GRIP1: variants seen among roughly 807,000 people sequenced by gnomAD.
The protein encoded by GRIP1 is glutamate receptor-interacting protein 1.
Under a neutral mutation model 129.9 loss-of-function variants are expected in GRIP1, and 45 were observed. The observed-to-expected ratio is 0.35, with a 90% CI of 0.27 to 0.44. The LOEUF (loss-of-function observed/expected upper bound fraction) is 0.44, where lower values mean the gene tolerates loss of function less well. Among genes scored for constraint, GRIP1 ranks in the 20% least tolerant of loss-of-function variants. GRIP1 has a pLI of 1.00. For synonymous variants in GRIP1, 530 were observed against 520.8 expected (o/e 1.02, Z -0.24); for missense variants, 1,196 against 1,396.8 (o/e 0.86, Z 2.29).
At chr12:66,678,644 T>C (rs2034448697) in intron 1 of GRIP1, among the ~76,000 whole-genome samples, 1 of 152,150 alleles carries the variant, frequency 6.6e-6, no homozygotes, top group Non-Finnish European at 1.5e-5. Flanking sequence ...GCTTTCATAA[T>C]TTCAGCACGA....
intron 1 of GRIP1, among the ~76,000 whole-genome samples, chr12:66,975,122 G>T (rs1021992067): frequency 6.6e-6 from 1 of 152,060 alleles, no homozygotes. Context: ...AGCTGTTCCA[G>T]ACTAGAAAAA....
At chr12:67,041,123 G>A (rs2043170895) in intron 1 of GRIP1, among the ~76,000 whole-genome samples, 1 of 151,902 alleles carries the variant, frequency 6.6e-6, no homozygotes, top group Admixed American at 6.6e-5. Flanking sequence ...AATCCATCCT[G>A]TAAACTACTT....
intron 1 of GRIP1, among the ~76,000 whole-genome samples, chr12:66,931,525 A>G (rs1763750160): frequency 6.6e-6 from 1 of 152,250 alleles, no homozygotes; most frequent in African/African-American, 2.4e-5. Flanking sequence ...CATCTAATAA[A>G]TATGAGAGAT....
chr12:66,492,253 G>T (rs1024716436), intron 7 of GRIP1, among the ~76,000 whole-genome samples: 3 of 151,810 alleles, frequency 2.0e-5, no homozygotes, highest in Non-Finnish European at 4.4e-5. Context: ...TTTCCTAAAA[G>T]CCAATTTACT....
chr12:66,781,125 G>A (rs1024881214), intron 1 of GRIP1, among the ~76,000 whole-genome samples: 1 of 152,126 alleles, frequency 6.6e-6, no homozygotes, highest in Non-Finnish European at 1.5e-5. Context: ...CTGTCTCGTG[G>A]TAACATTTAT....
intron 1 of GRIP1, among the ~76,000 whole-genome samples, chr12:66,800,718 A>T (rs1388226196): frequency 6.6e-6 from 1 of 152,136 alleles, no homozygotes; most frequent in Non-Finnish European, 1.5e-5. Flanking sequence ...AAAAAAATGG[A>T]ATGTTAGGGT....
chr12:67,009,954 C>T (rs1275220804), intron 1 of GRIP1, among the ~76,000 whole-genome samples: 1 of 152,128 alleles, frequency 6.6e-6, no homozygotes, highest in African/African-American at 2.4e-5. Context: ...AACATTTCCA[C>T]ATTAAGCTTT....
At chr12:66,611,721 A>T (rs1490160802) in intron 1 of GRIP1, among the ~76,000 whole-genome samples, 2 of 152,222 alleles carry the variant, frequency 1.3e-5, no homozygotes, top group East Asian at 3.8e-4. Context: ...GCATACATTT[A>T]CCACATTTAT....
intron 7 of GRIP1, among the ~76,000 whole-genome samples, chr12:66,474,861 C>A (rs904788298): frequency 3.3e-5 from 5 of 152,166 alleles, no homozygotes; most frequent in Non-Finnish European, 7.3e-5. Context: ...CCGGTCCCAG[C>A]CACTGCAAAA....
intron 1 of GRIP1, among the ~76,000 whole-genome samples, chr12:66,800,315 C>T (rs2038821569): frequency 1.3e-5 from 2 of 152,086 alleles, no homozygotes; most frequent in African/African-American, 4.8e-5. Flanking sequence ...GTCAGGAAGA[C>T]CAAGAACAGC....
At chr12:66,824,429 C>T (rs774676579) in intron 1 of GRIP1, among the ~76,000 whole-genome samples, 4 of 152,152 alleles carry the variant, frequency 2.6e-5, no homozygotes, top group Non-Finnish European at 4.4e-5. Context: ...ATGCCTGAAG[C>T]ATTTTACTGG....
chr12:66,754,086 C>T (rs2037209746), intron 1 of GRIP1, among the ~76,000 whole-genome samples: 1 of 152,152 alleles, frequency 6.6e-6, no homozygotes, highest in Non-Finnish European at 1.5e-5. Context: ...AATGCATCTC[C>T]TCTTAGTTGC....
At chr12:66,733,532 G>A (rs546632934) in intron 1 of GRIP1, among the ~76,000 whole-genome samples, 1 of 152,112 alleles carries the variant, frequency 6.6e-6, no homozygotes, top group East Asian at 1.9e-4. Context: ...AGCCATCTTG[G>A]GGCCTGAGGT....
At chr12:66,738,004 A>T (rs559746113) in intron 1 of GRIP1, among the ~76,000 whole-genome samples, 1 of 152,194 alleles carries the variant, frequency 6.6e-6, no homozygotes, top group African/African-American at 2.4e-5. Context: ...CGTGGGAAGG[A>T]GGGCAGACAG....
At chr12:66,608,786 G>C (rs929617355) in intron 1 of GRIP1, among the ~76,000 whole-genome samples, 2 of 152,030 alleles carry the variant, frequency 1.3e-5, no homozygotes, top group African/African-American at 2.4e-5. Flanking sequence ...ACATAGGATT[G>C]CTGTGAGGAT....
At chr12:66,509,164 A>G (rs920330785) in intron 7 of GRIP1, among the ~76,000 whole-genome samples, 2 of 152,240 alleles carry the variant, frequency 1.3e-5, no homozygotes, top group African/African-American at 4.8e-5. Context: ...GCTTCCTAGC[A>G]ACAATTCAAT....
chr12:66,904,719 C>G (rs1208906037), intron 1 of GRIP1, among the ~76,000 whole-genome samples: 3 of 152,068 alleles, frequency 2.0e-5, no homozygotes, highest in African/African-American at 7.2e-5. Flanking sequence ...GGTGAAACCT[C>G]ATCTTCTATT....
intron 1 of GRIP1, among the ~76,000 whole-genome samples, chr12:66,866,469 G>C (rs1321146540): frequency 6.6e-6 from 1 of 152,010 alleles, no homozygotes; most frequent in Non-Finnish European, 1.5e-5. Context: ...TCAATTGTCA[G>C]GTCAACTGTA....
chr12:66,705,661 CA>C (rs542453537), intron 1 of GRIP1, among the ~76,000 whole-genome samples: 201 of 152,250 alleles, frequency 1.3e-3, no homozygotes, highest in African/African-American at 4.4e-3. Flanking sequence ...AACTATACTA[CA>C]AGGCTACAGT....
Sources: gnomAD v4.1 joint callset for allele counts (sites outside exome capture counted in the v4.1 genomes callset) on GRCh38, gnomAD v4.1.1 for gene constraint, MANE v1.5 for transcripts, NCBI Gene and HGNC (gene_info 2026-07-23, HGNC 2026-07-21) for gene names.